The following CNOT1 variants were observed in gnomAD, a reference collection of about 807,000 sequenced individuals.
CNOT1 encodes CCR4-NOT transcription complex subunit 1.
A neutral mutation model predicts 273.8 loss-of-function variants in CNOT1; 15 were observed. That is an observed-to-expected ratio of 0.05 (90% CI 0.04 to 0.08). The LOEUF is 0.08. CNOT1 is among the 10% of genes least tolerant of loss of function. CNOT1 has a pLI of 1.00. For missense variants in CNOT1, 1,644 were observed against 2,912.2 expected (o/e 0.56, Z 10.02); for synonymous variants, 1,022 against 1,005.5 (o/e 1.02, Z -0.31).
rs895149832 is a variant in CNOT1 at position 58,601,753 on chromosome 16, A to G, written c.-174-2242T>C. On this transcript the variant is annotated intron_variant, in intron 1 of 48. Transcript: ENST00000317147. ...CCACCTTAAAAAAAAAAAAAAAAAA[A>G]AGCCTGTGCACGGTGGCAAACACCT... Among the ~76,000 whole-genome samples the G allele has an allele frequency of 7.3e-5, 10 of 136,478 alleles. No homozygotes were observed. The East Asian group carries it at 1.6e-3, about 22-fold the overall frequency. 89.5% of individuals were successfully genotyped at this position (136,478 alleles called of 152,430 possible).
intron 47 of CNOT1, among the ~76,000 whole-genome samples, chr16:58,522,586 A>T (rs1445256927): frequency 6.6e-6 from 1 of 152,254 alleles, no homozygotes; most frequent in East Asian, 1.9e-4. Flanking sequence ...CAATCTCTCT[A>T]ATGCTATATG....
At chr16:58,570,611 C>G (rs1196969045) in intron 16 of CNOT1, among the ~76,000 whole-genome samples, 1 of 152,104 alleles carries the variant, frequency 6.6e-6, no homozygotes, top group Non-Finnish European at 1.5e-5. Context: ...GAATGAAACC[C>G]TGTCTCAAAA....
chr16:58,625,638 C>A (rs2043539570), intron 1 of CNOT1, among the ~76,000 whole-genome samples: 1 of 151,790 alleles, frequency 6.6e-6, no homozygotes, highest in Non-Finnish European at 1.5e-5. Flanking sequence ...AAGCCAAGAT[C>A]ATACCACTGC....
chr16:58,549,026 G>C (rs1463723004), intron 25 of CNOT1, among the ~76,000 whole-genome samples: 3 of 152,084 alleles, frequency 2.0e-5, no homozygotes, highest in Non-Finnish European at 4.4e-5. Flanking sequence ...CAGTGGCTCA[G>C]GCCTGTAATC....
intron 36 of CNOT1, 132 bp from the exon 37 acceptor site, chr16:58,538,398 A>G (rs1597417468): frequency 1.5e-6 from 1 of 645,806 alleles, no homozygotes; most frequent in Non-Finnish European, 2.8e-6. Flanking sequence ...CCAAATTTAA[A>G]AACAGCCAGT....
rs1007304544 is a variant in CNOT1 at position 58,551,190 on chromosome 16, A to G, written c.3284T>C (p.Ile1095Thr). The change falls in exon 24 of 49, where the codon ATC becomes ACC. Residue 1095 changes from isoleucine to threonine, a missense_variant. By Grantham distance (89) the Ile-to-Thr change is moderately conservative. Coordinates refer to ENST00000317147, the MANE Select transcript of CNOT1 (RefSeq NM_016284.5). ...GAAAATAAAAGCAATTTTCTCCTGG[A>G]TATTTTCTGGGGGCTCCACAATTCT... ...TERIVEPPEN[I>T]QEKIAFIFNN... 11 of 1,610,612 alleles carry G rather than the reference A, an allele frequency of 6.8e-6. No individual in the cohort carries two copies. The African/African-American group carries it at 9.4e-5, about 14-fold the overall frequency.
intron 17 of CNOT1, chr16:58,559,996 T>A (rs1234195241): frequency 3.0e-6 from 4 of 1,314,418 alleles, no homozygotes; most frequent in Admixed American, 1.8e-5. Context: ...CTAAATAAAT[T>A]GTCTGTATAT....
At chr16:58,617,826 C>G (rs2152043086) in intron 1 of CNOT1, among the ~76,000 whole-genome samples, 1 of 152,224 alleles carries the variant, frequency 6.6e-6, no homozygotes, top group Non-Finnish European at 1.5e-5. Context: ...GGCAACATAG[C>G]AAGACCCTGT....
intron 16 of CNOT1, among the ~76,000 whole-genome samples, chr16:58,560,928 G>A (rs1044793042): frequency 1.3e-5 from 2 of 152,180 alleles, no homozygotes; most frequent in Non-Finnish European, 2.9e-5. Flanking sequence ...GGGAGGCTGA[G>A]GCAGGAGAAT....
chr16:58,542,382 C>T, intron 32 of CNOT1, 46 bp downstream of exon 32: 1 of 1,612,944 alleles, frequency 6.2e-7, no homozygotes, highest in Non-Finnish European at 8.5e-7. Context: ...AGGCACTTCC[C>T]TAAATTAAAA....
chr16:58,617,137 G>C (rs2043119243), intron 1 of CNOT1, among the ~76,000 whole-genome samples: 1 of 152,122 alleles, frequency 6.6e-6, no homozygotes, highest in Admixed American at 6.6e-5. Context: ...GAGGCAGGAG[G>C]ATCACTTGAA....
At chr16:58,616,295 A>G (rs1330445184) in intron 1 of CNOT1, among the ~76,000 whole-genome samples, 1 of 105,250 alleles carries the variant, frequency 9.5e-6, no homozygotes, top group South Asian at 2.7e-4. Context: ...TAGTGGAAAC[A>G]GGGTTTCACC....
chr16:58,555,568 ATAAAGGAAACAAT>A, intron 20 of CNOT1, 31 bp from the exon 21 acceptor site: 1 of 1,595,784 alleles, frequency 6.3e-7, no homozygotes, highest in South Asian at 1.1e-5. Context: ...CAACGCACAC[ATAAAGGAAACAAT>A]TACTAAGAGC....
At chr16:58,525,040 A>C (rs2039540278) in intron 46 of CNOT1, 139 bp downstream of exon 46, 2 of 749,862 alleles carry the variant, frequency 2.7e-6, no homozygotes, top group East Asian at 5.2e-5. Flanking sequence ...AGATAAAATA[A>C]TCAGCTAGAC....
chr16:58,561,948 G>A (rs1438275883), intron 16 of CNOT1, among the ~76,000 whole-genome samples: 1 of 152,116 alleles, frequency 6.6e-6, no homozygotes, highest in Admixed American at 6.5e-5. Context: ...GCTGAGGCAG[G>A]CAGATCACCT....
At chr16:58,579,477 G>C (rs62067284) in intron 12 of CNOT1, among the ~76,000 whole-genome samples, 6,614 of 152,072 alleles carry the variant, frequency 0.043, 420 homozygotes, top group East Asian at 0.26. Flanking sequence ...AAAATGGAAA[G>C]AGCCCTTTAT....
intron 1 of CNOT1, among the ~76,000 whole-genome samples, chr16:58,625,686 A>C (rs945686210): frequency 1.3e-5 from 2 of 150,096 alleles, no homozygotes; most frequent in Non-Finnish European, 3.0e-5. Flanking sequence ...CTCTCTCTCA[A>C]AAAAAAAAGA....
rs777979058 is a variant in CNOT1, at chr16:58,574,750, A to G, written c.1838T>C (p.Ile613Thr). The G allele has an allele frequency of 3.8e-6, 6 of 1,594,138 alleles. No individual in the cohort carries two copies. In the Admixed American group the frequency reaches 5.8e-5, roughly 15 times the overall value. Residue 613 changes from isoleucine (I) to threonine (T), a missense_variant, in exon 16 of 49, where the codon ATC becomes ACC. This residue lies in a region of CNOT1 where 706 missense variants were observed against 1,021.2 expected (regional missense o/e 0.69). Transcript: ENST00000317147. ...DKIREHGEPFIQACMTFLKRR... is the reference protein window; with the variant it reads ...DKIREHGEPFTQACMTFLKRR... ...CTTTAAAAAAGTCATACACGCCTGGATAAAAGGCTCCTGAAGAATAGAAAA... is the reference window on the plus strand; with the variant it reads ...CTTTAAAAAAGTCATACACGCCTGGGTAAAAGGCTCCTGAAGAATAGAAAA...
chr16:58,528,353 G>C (rs1179708693), intron 44 of CNOT1, 122 bp downstream of exon 44: 2 of 743,144 alleles, frequency 2.7e-6, no homozygotes, highest in Non-Finnish European at 2.4e-6. Context: ...TTCCTTTAAA[G>C]AGTACCCTTA....
Sources: gnomAD v4.1 joint callset for allele counts (sites outside exome capture counted in the v4.1 genomes callset) on GRCh38, gnomAD v4.1.1 for gene constraint, gnomAD v4.1.1 regional missense constraint, MANE v1.5 for transcripts, NCBI Gene and HGNC (gene_info 2026-07-23, HGNC 2026-07-21) for gene names.